The following KCNG3 variants were observed in gnomAD, a reference collection of about 807,000 sequenced individuals.
KCNG3 encodes voltage-gated potassium channel regulatory subunit KCNG3.
A neutral mutation model predicts 29.0 loss-of-function variants in KCNG3; 15 were observed. That is an observed-to-expected ratio of 0.52 (90% CI 0.35 to 0.80). The LOEUF is 0.80. KCNG3 is among the 30% of genes least tolerant of loss of function. The probability of loss-of-function intolerance (pLI) is 0.01; values close to 1 mark genes in which losing one functional copy is unlikely to be tolerated. For synonymous variants in KCNG3, 322 were observed against 248.9 expected (o/e 1.29, Z -2.76); for missense variants, 512 against 605.7 (o/e 0.85, Z 1.62).
At chr2:42,411,467 T>C in the KCNG3 span, among the ~76,000 whole-genome samples, 1 of 152,126 alleles carries the variant, frequency 6.6e-6, no homozygotes, top group Admixed American at 6.6e-5. Flanking sequence ...TTTAAAGTTT[T>C]CTTCATACAT....
the KCNG3 span, among the ~76,000 whole-genome samples, chr2:42,421,946 T>A: frequency 6.6e-6 from 1 of 152,184 alleles, no homozygotes; most frequent in African/African-American, 2.4e-5. Flanking sequence ...TAACATATAG[T>A]CATTGGTAAC....
chr2:42,477,390 C>CATATATATACACACACATATAAT (rs1673460707), intron 1 of KCNG3, among the ~76,000 whole-genome samples: 8 of 35,182 alleles, frequency 2.3e-4, no homozygotes, highest in Middle Eastern at 0.014. Context: ...CATATATATA[C>CATATATATACACACACATATAAT]ACACACACAC....
chr2:42,393,785 C>T, the KCNG3 span, among the ~76,000 whole-genome samples: 7 of 151,858 alleles, frequency 4.6e-5, no homozygotes, highest in Non-Finnish European at 8.8e-5. Flanking sequence ...TAAACTTCCC[C>T]CTTTTTTTTT....
At chr2:42,452,243 A>ATTTTTTTTT (rs771771721) in intron 1 of KCNG3, among the ~76,000 whole-genome samples, 1 of 95,066 alleles carries the variant, frequency 1.1e-5, no homozygotes, top group African/African-American at 3.9e-5. Context: ...ATATATATAT[A>ATTTTTTTTT]TTTTTTTTTT....
At chr2:42,457,144 G>C (rs946807260) in intron 1 of KCNG3, among the ~76,000 whole-genome samples, 1 of 151,998 alleles carries the variant, frequency 6.6e-6, no homozygotes, top group Non-Finnish European at 1.5e-5. Context: ...GTATGCAATA[G>C]GTTTTGTTAT....
At chr2:42,425,256 C>T in the KCNG3 span, among the ~76,000 whole-genome samples, 2 of 150,334 alleles carry the variant, frequency 1.3e-5, no homozygotes, top group South Asian at 4.3e-4. Flanking sequence ...AAAAAATTAG[C>T]GGGGCGTGGT....
chr2:42,490,883 C>T (rs902852623), intron 1 of KCNG3, among the ~76,000 whole-genome samples: 19 of 152,128 alleles, frequency 1.2e-4, no homozygotes, highest in African/African-American at 4.6e-4. Context: ...GGTTAAGGGC[C>T]CTCTCTGTTG....
chr2:42,492,882 T>A lies in KCNG3; in HGVS notation c.620A>T (p.Asp207Val), dbSNP rs1673936738. The change falls in exon 1 of 2, where the codon GAT becomes GTT. Residue 207 changes from aspartate (D) to valine (V), a missense_variant. This residue lies in a region of KCNG3 where 228 missense variants were observed against 200.0 expected (regional missense o/e 1.14). Coordinates refer to ENST00000306078, the MANE Select transcript of KCNG3 (RefSeq NM_133329.6). Reference sequence around the variant, plus strand: ...GCCGGCGGAGTACCTGCTCCGGTCATCCAGGCTGCGGTTGTCGGCGGCTGC... The same window carrying A: ...GCCGGCGGAGTACCTGCTCCGGTCAACCAGGCTGCGGTTGTCGGCGGCTGC... ...RNAAADNRSL[D>V]DRSRYSAGPG... The A allele has an allele frequency of 6.5e-7, 1 of 1,541,708 alleles. No homozygotes were observed. The highest frequency in any genetic ancestry group is 1.4e-5 in the African/African-American group (1 of 70,174).
chr2:42,471,176 GTGTGTGTGTA>G (rs955331733), intron 1 of KCNG3, among the ~76,000 whole-genome samples: 5 of 150,916 alleles, frequency 3.3e-5, no homozygotes, highest in African/African-American at 9.8e-5. Flanking sequence ...GTGTGTGTGT[GTGTGTGTGTA>G]TATATATATA....
the KCNG3 span, among the ~76,000 whole-genome samples, chr2:42,417,136 G>A: frequency 6.6e-6 from 1 of 152,192 alleles, no homozygotes; most frequent in Non-Finnish European, 1.5e-5. Flanking sequence ...CCAGCTGCCT[G>A]GGAGGCTGAG....
intron 1 of KCNG3, among the ~76,000 whole-genome samples, chr2:42,470,909 A>G (rs1673269039): frequency 6.6e-6 from 1 of 152,024 alleles, no homozygotes; most frequent in African/African-American, 2.4e-5. Context: ...CTGTAATCCC[A>G]GCACTTTGGG....
chr2:42,424,048 A>AC, the KCNG3 span, among the ~76,000 whole-genome samples: 1 of 152,068 alleles, frequency 6.6e-6, no homozygotes, highest in Non-Finnish European at 1.5e-5. Flanking sequence ...TAGGCTCAAG[A>AC]CCCCCACCTC....
chr2:42,454,580 T>C (rs1274333895), intron 1 of KCNG3, among the ~76,000 whole-genome samples: 2 of 151,872 alleles, frequency 1.3e-5, no homozygotes, highest in East Asian at 1.9e-4. Context: ...GGCGTGGTAG[T>C]GGGTGCCTGT....
chr2:42,477,420 C>T (rs1673463553), intron 1 of KCNG3, among the ~76,000 whole-genome samples: 2 of 43,280 alleles, frequency 4.6e-5, no homozygotes, highest in Admixed American at 3.1e-4. Context: ...CACACACACA[C>T]ACATATATTT....
At chr2:42,491,378 T>C (rs1019243043) in intron 1 of KCNG3, among the ~76,000 whole-genome samples, 3 of 152,204 alleles carry the variant, frequency 2.0e-5, no homozygotes, top group African/African-American at 7.2e-5. Flanking sequence ...CCTCATTATC[T>C]GCACTAATAA....
At chr2:42,455,410 C>T (rs192420938) in intron 1 of KCNG3, among the ~76,000 whole-genome samples, 2 of 152,276 alleles carry the variant, frequency 1.3e-5, no homozygotes, top group Non-Finnish European at 2.9e-5. Flanking sequence ...GTCATTAACA[C>T]CAAACAGAAC....
downstream of KCNG3, among the ~76,000 whole-genome samples, chr2:42,438,305 G>A (rs574179690): frequency 5.4e-4 from 82 of 152,256 alleles, no homozygotes; most frequent in African/African-American, 1.9e-3. Context: ...TCTGTCATGG[G>A]CAGAACTATA....
intron 1 of KCNG3, among the ~76,000 whole-genome samples, chr2:42,479,976 A>C (rs1673541316): frequency 6.6e-6 from 1 of 152,190 alleles, no homozygotes; most frequent in African/African-American, 2.4e-5. Context: ...TGCATGCACC[A>C]TTGCACTCCA....
the KCNG3 span, among the ~76,000 whole-genome samples, chr2:42,421,753 A>T: frequency 2.0e-5 from 3 of 152,172 alleles, no homozygotes; most frequent in African/African-American, 7.2e-5. Context: ...AACATCAACA[A>T]ATTATCTTAG....
Sources: allele counts gnomAD v4.1 joint callset (sites outside exome capture counted in the v4.1 genomes callset), GRCh38; gene constraint gnomAD v4.1.1; regional missense constraint gnomAD v4.1.1; transcripts MANE v1.5; gene names NCBI Gene and HGNC (gene_info 2026-07-23, HGNC 2026-07-21).